Variants in ZNF385B observed in about 807,000 individuals in gnomAD.
ZNF385B encodes zinc finger protein 533.
A neutral mutation model predicts 39.2 loss-of-function variants in ZNF385B; 23 were observed. The ratio of observed to expected loss-of-function variants is 0.59; its 90% CI spans 0.42 to 0.83. The LOEUF (loss-of-function observed/expected upper bound fraction) is 0.83, where lower values mean the gene tolerates loss of function less well. Among genes scored for constraint, ZNF385B ranks in the 40% least tolerant of loss-of-function variants. The pLI, the probability that ZNF385B is intolerant of heterozygous loss-of-function variation, is 0.00. For synonymous variants in ZNF385B, 205 were observed against 222.6 expected, an observed-to-expected ratio of 0.92 and a Z score of 0.70; for missense variants, 552 against 598.9, an observed-to-expected ratio of 0.92 and a Z score of 0.82.
intron 4 of ZNF385B, among the ~76,000 whole-genome samples, chr2:179,519,921 A>G (rs749967144): frequency 3.3e-5 from 5 of 152,346 alleles, no homozygotes; most frequent in Middle Eastern, 3.4e-3. Flanking sequence ...AGGCAAGTGG[A>G]TTGAAGAGTT....
chr2:179,494,961 C>T (rs2056041846), intron 5 of ZNF385B, among the ~76,000 whole-genome samples: 1 of 152,086 alleles, frequency 6.6e-6, no homozygotes, highest in Non-Finnish European at 1.5e-5. Flanking sequence ...GGCAAAATTC[C>T]TTCTGCTTGA....
At chr2:179,541,004 TTA>T (rs2059887948) in intron 4 of ZNF385B, among the ~76,000 whole-genome samples, 1 of 152,126 alleles carries the variant, frequency 6.6e-6, no homozygotes. Context: ...CTTTAAAACT[TTA>T]TGTTTTGGTC....
At chr2:179,582,246 C>G (rs890482127) in intron 3 of ZNF385B, among the ~76,000 whole-genome samples, 2 of 152,150 alleles carry the variant, frequency 1.3e-5, no homozygotes, top group Non-Finnish European at 2.9e-5. Context: ...CTATTAATCT[C>G]ACAGGATTAT....
chr2:179,708,405 G>A (rs923360879), intron 3 of ZNF385B, among the ~76,000 whole-genome samples: 9 of 152,096 alleles, frequency 5.9e-5, no homozygotes, highest in Non-Finnish European at 1.5e-5. Flanking sequence ...CCAGTCTTAG[G>A]TAGTACCTTT....
chr2:179,662,899 T>G (rs1033370412), intron 3 of ZNF385B, among the ~76,000 whole-genome samples: 87 of 152,338 alleles, frequency 5.7e-4, no homozygotes, highest in African/African-American at 1.7e-3. Flanking sequence ...TAAAAATCAT[T>G]GAGGAGCACA....
At chr2:179,701,889 C>T (rs1476939624) in intron 3 of ZNF385B, among the ~76,000 whole-genome samples, 1 of 152,088 alleles carries the variant, frequency 6.6e-6, no homozygotes, top group African/African-American at 2.4e-5. Flanking sequence ...AAAGGTATCC[C>T]GTGGAAAGGA....
At chr2:179,818,649 A>T (rs1707216108) in intron 1 of ZNF385B, among the ~76,000 whole-genome samples, 1 of 152,204 alleles carries the variant, frequency 6.6e-6, no homozygotes, top group Non-Finnish European at 1.5e-5. Flanking sequence ...CTGACACGGT[A>T]TGCTGGACTA....
chr2:179,446,490 TA>T, intron 7 of ZNF385B, 34 bp downstream of exon 7: 1 of 1,587,458 alleles, frequency 6.3e-7, no homozygotes, highest in Non-Finnish European at 8.6e-7. Flanking sequence ...GGTTTTGTTA[TA>T]AACATTATTT....
chr2:179,705,624 T>C (rs1699533021), intron 3 of ZNF385B, among the ~76,000 whole-genome samples: 2 of 152,248 alleles, frequency 1.3e-5, no homozygotes, highest in South Asian at 2.1e-4. Flanking sequence ...CTCATCTTCC[T>C]ATTCTTTTCC....
At chr2:179,485,486 T>C (rs1186962841) in intron 5 of ZNF385B, among the ~76,000 whole-genome samples, 2 of 152,160 alleles carry the variant, frequency 1.3e-5, no homozygotes, top group African/African-American at 2.4e-5. Context: ...CCATAGCTAG[T>C]TCAGCAGAAC....
In ZNF385B at chr2:179,769,670, T is replaced by C. The variant is rs373649075; in HGVS notation, c.131A>G (p.Lys44Arg). The C allele has an allele frequency of 1.3e-5, 21 of 1,614,090 alleles. No individual in the cohort carries two copies. The Admixed American group carries it at 3.3e-4, about 26-fold the overall frequency. Residue 44 changes from lysine to arginine, a missense_variant, in exon 3 of 10, where the codon AAG becomes AGG. Coordinates refer to ENST00000410066, the MANE Select transcript of ZNF385B (RefSeq NM_152520.6). ...CTCACAGAAGGAGAAAAGAATTTTCTTTTTCTCTTTGCTCAACTGGTCCTC... is the reference window on the plus strand; with the variant it reads ...CTCACAGAAGGAGAAAAGAATTTTCCTTTTCTCTTTGCTCAACTGGTCCTC... ...RPEDQLSKEK[K>R]KILFSFCEVC... is the part of the protein sequence containing the mutation.
intron 3 of ZNF385B, among the ~76,000 whole-genome samples, chr2:179,735,956 G>A (rs1424849086): frequency 1.3e-5 from 2 of 149,960 alleles, no homozygotes; most frequent in African/African-American, 2.4e-5. Flanking sequence ...TGGGTGCAGT[G>A]CACCAGCATG....
rs377169730 is a variant in ZNF385B, at chr2:179,709,595, T to C, written c.298+59908A>G. 1.8e-4 allele frequency among the ~76,000 whole-genome samples: 28 copies of C among 152,322 alleles called. No homozygotes were observed. The South Asian group carries it at 5.2e-3, about 28-fold the overall frequency. ...CTTGAGGAAGTTCCCACAGAAGACG[T>C]GGCCCATTGGCTACATAAGATGACA... On this transcript the variant is annotated intron_variant, in intron 3 of 9. Coordinates refer to ENST00000410066, the MANE Select transcript of ZNF385B (RefSeq NM_152520.6).
At chr2:179,800,543 G>A (rs1308718272) in intron 1 of ZNF385B, among the ~76,000 whole-genome samples, 1 of 151,966 alleles carries the variant, frequency 6.6e-6, no homozygotes, top group African/African-American at 2.4e-5. Context: ...AATATATATT[G>A]TATATAGAAT....
chr2:179,760,344 C>A (rs921057627), intron 3 of ZNF385B, among the ~76,000 whole-genome samples: 1 of 151,932 alleles, frequency 6.6e-6, no homozygotes, highest in Non-Finnish European at 1.5e-5. Flanking sequence ...TTGAAACTCA[C>A]CCCTATCCCT....
chr2:179,571,858 C>G (rs982568421), intron 3 of ZNF385B, among the ~76,000 whole-genome samples: 1 of 152,044 alleles, frequency 6.6e-6, no homozygotes, highest in Non-Finnish European at 1.5e-5. Context: ...CCAAAGGGAT[C>G]GGCCCACATT....
intron 3 of ZNF385B, among the ~76,000 whole-genome samples, chr2:179,548,296 T>C (rs1440228491): frequency 6.7e-6 from 1 of 149,728 alleles, no homozygotes; most frequent in Non-Finnish European, 1.5e-5. Flanking sequence ...AGAAGATTTA[T>C]AATGCTCCTC....
intron 3 of ZNF385B, among the ~76,000 whole-genome samples, chr2:179,629,163 A>G (rs1475181872): frequency 1.3e-5 from 2 of 152,066 alleles, no homozygotes; most frequent in Non-Finnish European, 2.9e-5. Context: ...TTAGGAGGAG[A>G]CTGATTTCTT....
intron 3 of ZNF385B, among the ~76,000 whole-genome samples, chr2:179,640,986 T>A (rs1041675383): frequency 2.6e-5 from 4 of 152,210 alleles, no homozygotes; most frequent in African/African-American, 9.6e-5. Flanking sequence ...TTCCCTTAAC[T>A]TTTATTATGG....
Sources: allele counts gnomAD v4.1 joint callset (sites outside exome capture counted in the v4.1 genomes callset), GRCh38; gene constraint gnomAD v4.1.1; transcripts MANE v1.5; gene names NCBI Gene and HGNC (gene_info 2026-07-23, HGNC 2026-07-21).